The following CADPS2 variants were observed in gnomAD, a reference collection of about 807,000 sequenced individuals.
The protein encoded by CADPS2 is calcium-dependent secretion activator 2.
A neutral mutation model predicts 172.5 loss-of-function variants in CADPS2; 93 were observed. The ratio of observed to expected loss-of-function variants is 0.54; its 90% CI spans 0.46 to 0.64. The LOEUF is 0.64. Among genes scored for constraint, CADPS2 ranks in the 30% least tolerant of loss-of-function variants. The pLI, the probability that CADPS2 is intolerant of heterozygous loss-of-function variation, is 0.00. For synonymous variants in CADPS2, 546 were observed against 555.2 expected, an observed-to-expected ratio of 0.98 and a Z score of 0.23; for missense variants, 1,420 against 1,565.9, an observed-to-expected ratio of 0.91 and a Z score of 1.57.
At chr7:122,716,524 C>G (rs2089626038) in intron 2 of CADPS2, among the ~76,000 whole-genome samples, 1 of 151,942 alleles carries the variant, frequency 6.6e-6, no homozygotes, top group South Asian at 2.1e-4. Context: ...GTTTTCTGTC[C>G]TTTGTAGGGT....
chr7:122,575,794 C>G (rs918094475), intron 7 of CADPS2, among the ~76,000 whole-genome samples: 4 of 152,002 alleles, frequency 2.6e-5, no homozygotes, highest in African/African-American at 9.7e-5. Flanking sequence ...TATTTAAAAG[C>G]CTTTTTTATT....
chr7:122,682,608 C>T (rs998375686), intron 2 of CADPS2, among the ~76,000 whole-genome samples: 2 of 152,112 alleles, frequency 1.3e-5, no homozygotes, highest in African/African-American at 4.8e-5. Flanking sequence ...AATATGTGTT[C>T]CCATGCTGTC....
In CADPS2 at chr7:122,555,318, C is replaced by A. The variant is rs149247942; in HGVS notation, c.1336-629G>T. 1.8e-3 allele frequency among the ~76,000 whole-genome samples: 267 copies of A among 152,056 alleles called. 3 individuals are homozygous for A. Among genetic ancestry groups the A allele is most frequent in the African/African-American group, 6.4e-3 (264 of 41,506 alleles). On this transcript the variant is annotated intron_variant, in intron 7 of 29. Transcript: ENST00000449022. ...AAATTGACAAGTGATTATTTCACAA[C>A]CCTCACTTCACAGAATCAACCCAGG...
chr7:122,664,276 TG>T (rs978287885), intron 2 of CADPS2, among the ~76,000 whole-genome samples: 3 of 152,070 alleles, frequency 2.0e-5, no homozygotes, highest in Non-Finnish European at 2.9e-5. Context: ...GCCCAACAGC[TG>T]GGGGGCTAGA....
intron 2 of CADPS2, among the ~76,000 whole-genome samples, chr7:122,671,293 T>C (rs1367935514): frequency 6.6e-6 from 1 of 152,144 alleles, no homozygotes; most frequent in East Asian, 1.9e-4. Context: ...CCAGAAAATA[T>C]CCACTGGATG....
chr7:122,635,734 TA>T (rs1467695790), intron 3 of CADPS2, among the ~76,000 whole-genome samples: 1 of 152,170 alleles, frequency 6.6e-6, no homozygotes, highest in African/African-American at 2.4e-5. Context: ...GTGGTGTGGC[TA>T]AATTTTTTCA....
At chr7:122,726,097 T>G (rs2091054018) in intron 2 of CADPS2, among the ~76,000 whole-genome samples, 1 of 151,868 alleles carries the variant, frequency 6.6e-6, no homozygotes, top group Non-Finnish European at 1.5e-5. Flanking sequence ...CCATCTGGAT[T>G]CAGAGGCAAA....
chr7:122,811,648 A>G (rs1249795999), intron 1 of CADPS2, among the ~76,000 whole-genome samples: 3 of 152,182 alleles, frequency 2.0e-5, no homozygotes, highest in Non-Finnish European at 2.9e-5. Context: ...TTAAATCTGA[A>G]TATTTTAAAA....
At position 122,490,065 on chromosome 7, in the gene CADPS2, T is replaced by C. The variant is rs759320834; in HGVS notation, c.1852+16A>G. 6.2e-7 allele frequency: 1 copy of C among 1,610,470 alleles called. No individual in the cohort carries two copies. On this transcript the variant is annotated intron_variant, in intron 11 of 29. Transcript: ENST00000449022. Reference sequence around the variant, plus strand: ...GCTATTAATTGATAATCAAATTATTTTTTAACAAAACTTACAAAGCTGAGC... The same window carrying C: ...GCTATTAATTGATAATCAAATTATTCTTTAACAAAACTTACAAAGCTGAGC...
intron 29 of CADPS2, among the ~76,000 whole-genome samples, chr7:122,321,873 G>T (rs2032619882): frequency 6.6e-6 from 1 of 152,164 alleles, no homozygotes; most frequent in South Asian, 2.1e-4. Context: ...TAAAGTAGGA[G>T]AAAAAGTTCA....
chr7:122,794,590 T>C (rs1315798163), intron 1 of CADPS2, among the ~76,000 whole-genome samples: 1 of 152,016 alleles, frequency 6.6e-6, no homozygotes, highest in African/African-American at 2.4e-5. Flanking sequence ...ATTCAGGACC[T>C]GAGCTCAGTA....
intron 9 of CADPS2, among the ~76,000 whole-genome samples, chr7:122,505,263 G>A (rs1468344568): frequency 6.6e-6 from 1 of 152,188 alleles, no homozygotes; most frequent in Non-Finnish European, 1.5e-5. Context: ...TTACATTAAT[G>A]TGCATTTTTC....
intron 25 of CADPS2, among the ~76,000 whole-genome samples, chr7:122,371,002 G>A (rs989262518): frequency 3.3e-5 from 5 of 152,246 alleles, no homozygotes; most frequent in Middle Eastern, 3.4e-3. Context: ...CCCAGGACAG[G>A]TTAAGTGTAG....
intron 1 of CADPS2, among the ~76,000 whole-genome samples, chr7:122,863,688 T>C (rs564363615): frequency 2.0e-5 from 3 of 152,336 alleles, no homozygotes; most frequent in Non-Finnish European, 4.4e-5. Context: ...TTGATCTTGA[T>C]CATGTAAACA....
chr7:122,688,980 G>A (rs1401738111), intron 2 of CADPS2, among the ~76,000 whole-genome samples: 2 of 152,124 alleles, frequency 1.3e-5, no homozygotes, highest in East Asian at 3.9e-4. Context: ...TTGATATATA[G>A]GCTTGGCACA....
chr7:122,884,058 C>T (rs1823648855), intron 1 of CADPS2, among the ~76,000 whole-genome samples: 1 of 152,100 alleles, frequency 6.6e-6, no homozygotes, highest in African/African-American at 2.4e-5. Flanking sequence ...CAAAATGCAA[C>T]AAGTATTCAC....
intron 25 of CADPS2, among the ~76,000 whole-genome samples, chr7:122,367,640 G>A (rs915374747): frequency 5.6e-5 from 8 of 141,852 alleles, no homozygotes; most frequent in Admixed American, 5.2e-4. Flanking sequence ...TGCCTCCTGA[G>A]TGCAAGTGTT....
At chr7:122,818,615 G>C (rs1802211654) in intron 1 of CADPS2, among the ~76,000 whole-genome samples, 1 of 151,994 alleles carries the variant, frequency 6.6e-6, no homozygotes, top group African/African-American at 2.4e-5. Flanking sequence ...GCCAGGCCGA[G>C]CTAGGTCCCA....
chr7:122,584,176 CA>C (rs200358605), intron 6 of CADPS2, among the ~76,000 whole-genome samples: 6 of 151,596 alleles, frequency 4.0e-5, no homozygotes, highest in Admixed American at 2.0e-4. Context: ...AAGAGTTTGT[CA>C]AAAAATGATA....
Sources: allele counts gnomAD v4.1 joint callset (sites outside exome capture counted in the v4.1 genomes callset), GRCh38; gene constraint gnomAD v4.1.1; transcripts MANE v1.5; gene names NCBI Gene and HGNC (gene_info 2026-07-23, HGNC 2026-07-21).